The following CAMK2D variants were observed in gnomAD, a reference collection of about 807,000 sequenced individuals.
CAMK2D encodes calcium/calmodulin dependent protein kinase II delta.
Under a neutral mutation model 84.0 loss-of-function variants are expected in CAMK2D, and 37 were observed. The ratio of observed to expected loss-of-function variants is 0.44; its 90% CI spans 0.34 to 0.58. The LOEUF (loss-of-function observed/expected upper bound fraction) is 0.58. CAMK2D is among the 20% of genes least tolerant of loss of function. CAMK2D has a pLI of 0.02. For synonymous variants in CAMK2D, 202 were observed against 212.5 expected, an observed-to-expected ratio of 0.95 and a Z score of 0.43; for missense variants, 448 against 652.5, an observed-to-expected ratio of 0.69 and a Z score of 3.41.
chr4:113,525,789 T>G (rs984656625), intron 8 of CAMK2D, among the ~76,000 whole-genome samples: 1 of 152,194 alleles, frequency 6.6e-6, no homozygotes, highest in African/African-American at 2.4e-5. Flanking sequence ...ATTTCTTTTG[T>G]TTTCTGAGTA....
At chr4:113,571,488 T>C (rs2098753274) in intron 4 of CAMK2D, among the ~76,000 whole-genome samples, 1 of 152,148 alleles carries the variant, frequency 6.6e-6, no homozygotes, top group Admixed American at 6.5e-5. Context: ...TGTAAAAACA[T>C]GGATGGCCCT....
intron 5 of CAMK2D, among the ~76,000 whole-genome samples, chr4:113,550,287 C>G (rs2098616068): frequency 6.6e-6 from 1 of 152,186 alleles, no homozygotes; most frequent in African/African-American, 2.4e-5. Context: ...ATTCTCCTGC[C>G]TCAGCCTCCT....
At chr4:113,676,942 C>A (rs1002222714) in intron 2 of CAMK2D, among the ~76,000 whole-genome samples, 1 of 152,142 alleles carries the variant, frequency 6.6e-6, no homozygotes, top group Non-Finnish European at 1.5e-5. Context: ...AAATCAATTC[C>A]TGTGCTTTTC....
intron 16 of CAMK2D, among the ~76,000 whole-genome samples, chr4:113,484,602 A>G (rs1422583624): frequency 6.6e-6 from 1 of 152,204 alleles, no homozygotes. Context: ...CATTTTATAT[A>G]TAGATGCAAG....
intron 3 of CAMK2D, among the ~76,000 whole-genome samples, chr4:113,645,583 C>G (rs957840887): frequency 6.6e-6 from 1 of 152,054 alleles, no homozygotes. Flanking sequence ...TCTTTCCTGA[C>G]TACTGTAGTT....
At chr4:113,518,804 A>G (rs2098320410) in intron 8 of CAMK2D, among the ~76,000 whole-genome samples, 1 of 152,156 alleles carries the variant, frequency 6.6e-6, no homozygotes. Context: ...ACATCTTTAT[A>G]CAATAGACAC....
chr4:113,617,948 T>C lies in CAMK2D; in HGVS notation c.221-8742A>G, dbSNP rs140610118. On this transcript the variant is annotated intron_variant, in intron 3 of 20. Transcript: ENST00000511664. ...CACACAACACACAGACACACACACA[T>C]ATATATATATAAAATATACACTGGG... Among the ~76,000 whole-genome samples the C allele has an allele frequency of 3.8e-3, 572 of 149,782 alleles. 4 individuals are homozygous for C. The highest frequency in any genetic ancestry group is 5.8e-3 in the Non-Finnish European group (393 of 67,344).
At chr4:113,696,195 GACACACACACACAC>G (rs56784441) in intron 2 of CAMK2D, among the ~76,000 whole-genome samples, 3,677 of 144,624 alleles carry the variant, frequency 0.025, 171 homozygotes, top group African/African-American at 0.088. Flanking sequence ...CAGACACACA[GACACACACACACAC>G]ACACACACAC....
chr4:113,679,125 G>T (rs752361606), intron 2 of CAMK2D, among the ~76,000 whole-genome samples: 16 of 151,916 alleles, frequency 1.1e-4, no homozygotes, highest in Admixed American at 7.2e-4. Flanking sequence ...GCTGCTCTGG[G>T]GTTCTAGTGC....
intron 7 of CAMK2D, among the ~76,000 whole-genome samples, chr4:113,534,236 A>C (rs954449468): frequency 6.6e-6 from 1 of 152,144 alleles, no homozygotes; most frequent in African/African-American, 2.4e-5. Context: ...TTTACTCCTA[A>C]TACTTAAAAT....
chr4:113,534,380 A>G (rs2098476523), intron 7 of CAMK2D, among the ~76,000 whole-genome samples: 1 of 152,126 alleles, frequency 6.6e-6, no homozygotes, highest in Non-Finnish European at 1.5e-5. Flanking sequence ...AAGTTTAGAC[A>G]CTCTGTTTTT....
At chr4:113,644,729 G>A (rs1453582705) in intron 3 of CAMK2D, among the ~76,000 whole-genome samples, 4 of 152,172 alleles carry the variant, frequency 2.6e-5, no homozygotes, top group Admixed American at 6.5e-5. Flanking sequence ...ACTCAGAAGT[G>A]GGAAGCAAAG....
At chr4:113,560,864 C>T (rs777468814) in intron 4 of CAMK2D, among the ~76,000 whole-genome samples, 1 of 151,992 alleles carries the variant, frequency 6.6e-6, no homozygotes, top group African/African-American at 2.4e-5. Context: ...TTACTCCATA[C>T]AAAGGATAAG....
At chr4:113,483,258 G>C (rs879755794) in intron 16 of CAMK2D, among the ~76,000 whole-genome samples, 4 of 152,190 alleles carry the variant, frequency 2.6e-5, no homozygotes, top group Admixed American at 1.3e-4. Context: ...TCAGCACACA[G>C]AAGGTGCTCA....
At position 113,451,342 on chromosome 4, in the gene CAMK2D, C is replaced by T. The variant is rs546788839; in HGVS notation, c.*3203G>A. The T allele has an allele frequency of 2.0e-5, 3 of 152,194 alleles. No individual in the cohort carries two copies. Among genetic ancestry groups the T allele is most frequent in the South Asian group, 2.1e-4 (1 of 4,826 alleles). 9.4% of individuals were successfully genotyped at this position (152,194 alleles called of 1,614,324 possible). On this transcript the variant is annotated 3_prime_UTR_variant, in exon 21 of 21. Transcript: ENST00000511664. ...CAGCAAAACAAGAGTTGTATACCCT[C>T]GTGAGCAAAGAATAATAACAATAGG... is the stretch of plus-strand genomic sequence containing the variant.
At chr4:113,596,069 T>C (rs949077288) in intron 4 of CAMK2D, among the ~76,000 whole-genome samples, 1 of 152,244 alleles carries the variant, frequency 6.6e-6, no homozygotes, top group Non-Finnish European at 1.5e-5. Context: ...CTTTATGTAA[T>C]ATTCTAAATC....
At chr4:113,459,037 G>A (rs1396290270) in intron 18 of CAMK2D, among the ~76,000 whole-genome samples, 3 of 152,102 alleles carry the variant, frequency 2.0e-5, no homozygotes, top group Non-Finnish European at 4.4e-5. Flanking sequence ...TTTGAAAAGT[G>A]GCTGTTTCCT....
At chr4:113,757,357 G>A (rs936688928) in intron 2 of CAMK2D, among the ~76,000 whole-genome samples, 2 of 152,028 alleles carry the variant, frequency 1.3e-5, no homozygotes, top group Admixed American at 1.3e-4. Context: ...TATGAGGAAG[G>A]GTTCTGTTAT....
intron 16 of CAMK2D, among the ~76,000 whole-genome samples, chr4:113,472,639 TACA>T (rs1211142744): frequency 1.3e-5 from 2 of 152,244 alleles, no homozygotes; most frequent in Non-Finnish European, 2.9e-5. Context: ...TCTAGCTGAC[TACA>T]ATGAAACTTG....
Sources: allele counts gnomAD v4.1 joint callset (sites outside exome capture counted in the v4.1 genomes callset), GRCh38; gene constraint gnomAD v4.1.1; transcripts MANE v1.5; gene names NCBI Gene and HGNC (gene_info 2026-07-23, HGNC 2026-07-21).